Variants in WDPCP observed in about 807,000 individuals in gnomAD.
WDPCP encodes WD repeat containing planar cell polarity effector.
A neutral mutation model predicts 93.1 loss-of-function variants in WDPCP; 71 were observed. The observed-to-expected ratio is 0.76, with a 90% CI of 0.63 to 0.93. The LOEUF (loss-of-function observed/expected upper bound fraction) is 0.93, where lower values mean the gene tolerates loss of function less well. Ranked by LOEUF, WDPCP falls within the 40% of genes least tolerant of loss-of-function variation. WDPCP has a pLI of 0.00. For synonymous variants in WDPCP, 315 were observed against 315.0 expected (o/e 1.00, Z 0.00); for missense variants, 844 against 887.4 (o/e 0.95, Z 0.62).
intron 2 of WDPCP, among the ~76,000 whole-genome samples, chr2:63,724,259 C>T (rs1669467214): frequency 6.6e-6 from 1 of 152,098 alleles, no homozygotes; most frequent in Admixed American, 6.6e-5. Context: ...TACCACATTT[C>T]ATCTATGTCC....
At chr2:63,802,869 TTACTC>T (rs1416559308) in intron 2 of WDPCP, among the ~76,000 whole-genome samples, 1 of 152,220 alleles carries the variant, frequency 6.6e-6, no homozygotes, top group African/African-American at 2.4e-5. Flanking sequence ...GCTTGGGACA[TTACTC>T]TACACATATA....
chr2:63,626,626 A>G, intron 3 of WDPCP, among the ~76,000 whole-genome samples: 1 of 152,250 alleles, frequency 6.6e-6, no homozygotes, highest in South Asian at 2.1e-4. Context: ...CCACAATGAG[A>G]TACCATCTCA....
In WDPCP at chr2:63,383,335, C is replaced by T. The variant is rs1304607229; in HGVS notation, c.1436-1241G>A. 2.0e-5 allele frequency among the ~76,000 whole-genome samples: 3 copies of T among 152,166 alleles called. No homozygotes were observed. In the East Asian group the frequency reaches 5.8e-4, roughly 29 times the overall value. On this transcript the variant is annotated intron_variant, in intron 10 of 17. Coordinates refer to ENST00000272321, the MANE Select transcript of WDPCP (RefSeq NM_015910.7). Reference sequence around the variant, plus strand: ...ATCCAAAATTCATGAAGAAAGATAACAATCCTTAAATGCACCTAATAACAG... The same window carrying T: ...ATCCAAAATTCATGAAGAAAGATAATAATCCTTAAATGCACCTAATAACAG...
chr2:63,230,398 A>G (rs62177789), intron 14 of WDPCP, among the ~76,000 whole-genome samples: 24,562 of 152,030 alleles, frequency 0.16, 2,335 homozygotes, highest in Middle Eastern at 0.23. Context: ...ATAAACATAC[A>G]TGTGTATGTG....
chr2:63,741,348 C>T (rs377294289), intron 2 of WDPCP, among the ~76,000 whole-genome samples: 20 of 152,022 alleles, frequency 1.3e-4, no homozygotes, highest in Admixed American at 5.2e-4. Context: ...CCACTGTACA[C>T]CCTGAGTTAA....
At chr2:63,386,913 C>T (rs1454460296) in intron 10 of WDPCP, among the ~76,000 whole-genome samples, 9 of 151,920 alleles carry the variant, frequency 5.9e-5, no homozygotes, top group South Asian at 2.1e-4. Context: ...TTTCTGGGAA[C>T]GTACACCCTG....
At chr2:63,820,691 A>C (rs1425573787) in intron 1 of WDPCP, among the ~76,000 whole-genome samples, 1 of 152,138 alleles carries the variant, frequency 6.6e-6, no homozygotes, top group African/African-American at 2.4e-5. Context: ...CTGCAAAAAA[A>C]CGTGTGTTCT....
intron 3 of WDPCP, chr2:63,642,344 C>G (rs948169678): frequency 6.6e-6 from 1 of 151,742 alleles, no homozygotes; most frequent in African/African-American, 2.4e-5. Flanking sequence ...TCTGTTTTTG[C>G]GAAGAATGCC....
At chr2:63,141,859 A>G (rs1347223408) in intron 17 of WDPCP, among the ~76,000 whole-genome samples, 1 of 152,112 alleles carries the variant, frequency 6.6e-6, no homozygotes. Context: ...GATTTAAGCT[A>G]GAAGGGCTGT....
At chr2:63,589,146 A>C (rs1173407782), upstream of WDPCP, 3 of 1,612,938 alleles carry the variant, frequency 1.9e-6, no homozygotes, top group African/African-American at 1.3e-5. Flanking sequence ...TGTGCAAGGC[A>C]CTGTCCTTCG....
intron 9 of WDPCP, 42 bp downstream of exon 9, chr2:63,433,699 TTTTA>T: frequency 6.8e-7 from 1 of 1,474,280 alleles, no homozygotes; most frequent in Non-Finnish European, 9.2e-7. Flanking sequence ...AATAATTCTA[TTTTA>T]TTTACACTTT....
At chr2:63,808,759 G>A (rs1187383234) in intron 2 of WDPCP, among the ~76,000 whole-genome samples, 4 of 152,166 alleles carry the variant, frequency 2.6e-5, no homozygotes, top group Admixed American at 1.3e-4. Context: ...CTGCCTGGCC[G>A]CCACCCCGTT....
intron 12 of WDPCP, chr2:63,369,182 T>A: frequency 3.4e-6 from 1 of 289,898 alleles, no homozygotes; most frequent in South Asian, 3.6e-5. Context: ...AACAGAAGTG[T>A]CTATAGCCAT....
intron 1 of WDPCP, among the ~76,000 whole-genome samples, chr2:63,504,548 A>G (rs1446564): frequency 0.8 from 122,129 of 151,796 alleles, 49,820 homozygotes; most frequent in East Asian, 0.98. Context: ...CAATCATCTC[A>G]TTAGAGGAAC....
chr2:63,381,851 A>G (rs1445256452), intron 11 of WDPCP, 55 bp downstream of exon 11: 1 of 1,582,754 alleles, frequency 6.3e-7, no homozygotes, highest in African/African-American at 1.3e-5. Flanking sequence ...TAACTCAATA[A>G]AATCTATTTC....
intron 2 of WDPCP, among the ~76,000 whole-genome samples, chr2:63,793,979 G>A (rs573994071): frequency 4.7e-4 from 71 of 151,354 alleles, no homozygotes; most frequent in African/African-American, 1.6e-3. Context: ...AAGAACTTAA[G>A]GAAACTGAAT....
At chr2:63,206,365 C>A (rs531778783) in intron 14 of WDPCP, among the ~76,000 whole-genome samples, 1 of 152,242 alleles carries the variant, frequency 6.6e-6, no homozygotes, top group African/African-American at 2.4e-5. Context: ...ACCAATTTCC[C>A]CCTTTATCCT....
chr2:63,491,475 C>A (rs1243623543), intron 2 of WDPCP, among the ~76,000 whole-genome samples: 1 of 152,182 alleles, frequency 6.6e-6, no homozygotes, highest in Non-Finnish European at 1.5e-5. Flanking sequence ...GGTCTTCTTT[C>A]TCGGGTCTTG....
chr2:63,389,485 C>T (rs1027939098), intron 10 of WDPCP, among the ~76,000 whole-genome samples: 2 of 152,156 alleles, frequency 1.3e-5, no homozygotes, highest in African/African-American at 4.8e-5. Flanking sequence ...GAAGAAACTG[C>T]ATCCATTAAC....
Sources: allele counts gnomAD v4.1 joint callset (sites outside exome capture counted in the v4.1 genomes callset), GRCh38; gene constraint gnomAD v4.1.1; transcripts MANE v1.5; gene names NCBI Gene and HGNC (gene_info 2026-07-23, HGNC 2026-07-21).